Variants in SDC2 observed in about 807,000 individuals in gnomAD.
SDC2 encodes syndecan 2, also known as syndecan-2.
Under a neutral mutation model 22.2 loss-of-function variants are expected in SDC2, and 13 were observed. The observed-to-expected ratio is 0.59, with a 90% CI of 0.38 to 0.93. SDC2 has a LOEUF of 0.93. Ranked by LOEUF, SDC2 falls within the 40% of genes least tolerant of loss-of-function variation. The probability of loss-of-function intolerance (pLI) is 0.00; values close to 1 mark genes in which losing one functional copy is unlikely to be tolerated. For synonymous variants in SDC2, 94 were observed against 92.8 expected, an observed-to-expected ratio of 1.01 and a Z score of -0.07; for missense variants, 235 against 246.8, an observed-to-expected ratio of 0.95 and a Z score of 0.32.
intron 1 of SDC2, among the ~76,000 whole-genome samples, chr8:96,510,338 C>T (rs1314744838): frequency 1.3e-5 from 2 of 152,156 alleles, no homozygotes; most frequent in Admixed American, 1.3e-4. Flanking sequence ...GTATTGTTTG[C>T]AGCTGAAATA....
chr8:96,532,410 GCGTT>G lies in SDC2; in HGVS notation c.60+38080_60+38083del, dbSNP rs1329502222. Among the ~76,000 whole-genome samples, 17 of 102,986 alleles carry G rather than the reference GCGTT, an allele frequency of 1.7e-4. 1 individual carries two copies. Among genetic ancestry groups the G allele is most frequent in the Admixed American group, 2.7e-4 (3 of 10,926 alleles). The allele number at this position is 102,986 out of a possible 152,430, so 67.6% of individuals were successfully genotyped here. On this transcript the variant is annotated intron_variant, in intron 1 of 4. Transcript: ENST00000302190. ...CCCCTGAGTCTCTCTGCTTATTGAGGCGTTTTTTTTTTTTTTTTTTTTTTTGGTA... is the reference window on the plus strand; with the variant it reads ...CCCCTGAGTCTCTCTGCTTATTGAGGTTTTTTTTTTTTTTTTTTTTTGGTA...
chr8:96,562,225 A>G (rs1814221599), intron 1 of SDC2, among the ~76,000 whole-genome samples: 1 of 152,168 alleles, frequency 6.6e-6, no homozygotes, highest in Non-Finnish European at 1.5e-5. Context: ...TGGATGTCCC[A>G]TTGTTCCAGC....
chr8:96,602,268 G>C, intron 2 of SDC2, 127 bp from the exon 3 acceptor site: 2 of 955,718 alleles, frequency 2.1e-6, no homozygotes, highest in Non-Finnish European at 1.6e-6. Flanking sequence ...TTGTGCTGAA[G>C]TCTTAAAGAG....
At chr8:96,532,344 G>A (rs1171026750) in intron 1 of SDC2, among the ~76,000 whole-genome samples, 1 of 144,642 alleles carries the variant, frequency 6.9e-6, no homozygotes, top group African/African-American at 2.6e-5. Flanking sequence ...GCCTAACTGA[G>A]TTCTTGGGGC....
chr8:96,510,703 A>G (rs1376511062), intron 1 of SDC2, among the ~76,000 whole-genome samples: 1 of 152,186 alleles, frequency 6.6e-6, no homozygotes, highest in Non-Finnish European at 1.5e-5. Flanking sequence ...GGCTATTAAA[A>G]TGAACCATTT....
chr8:96,504,215 C>T (rs984436190), intron 1 of SDC2, among the ~76,000 whole-genome samples: 23 of 152,224 alleles, frequency 1.5e-4, no homozygotes, highest in Admixed American at 9.2e-4. Flanking sequence ...GGACTCAATT[C>T]ACTTGACATG....
chr8:96,569,912 G>A (rs1451961001), intron 1 of SDC2, among the ~76,000 whole-genome samples: 3 of 152,150 alleles, frequency 2.0e-5, no homozygotes, highest in Admixed American at 2.0e-4. Context: ...GTGCTCTCTG[G>A]GAAAGGAGTC....
At chr8:96,608,579 C>A (rs1586330161) in intron 4 of SDC2, 109 bp downstream of exon 4, 3 of 1,017,878 alleles carry the variant, frequency 2.9e-6, no homozygotes, top group East Asian at 2.6e-5. Context: ...CTGCTGAAAG[C>A]AGTCTTGTGG....
chr8:96,497,890 C>G (rs1310255481), intron 1 of SDC2, among the ~76,000 whole-genome samples: 1 of 152,202 alleles, frequency 6.6e-6, no homozygotes, highest in South Asian at 2.1e-4. Context: ...CCATCCTTTT[C>G]TTCTTCCCAA....
intron 1 of SDC2, among the ~76,000 whole-genome samples, chr8:96,538,973 T>C (rs189515482): frequency 1.3e-5 from 2 of 152,250 alleles, no homozygotes; most frequent in African/African-American, 4.8e-5. Flanking sequence ...CTGTCTTTGA[T>C]TGAGTTAGAT....
Position 96,593,582 on chromosome 8 carries a change from T to C in SDC2, c.163T>C (p.Ser55Pro). ...TGATGACGATGACTACGCTTCTGCG[T>C]CTGGCTCGGGTAAGGTGGCTGCTTC... The part of the protein sequence containing the change: ...PIDDDDYASA[S>P]GSGADEDVES... The change falls in exon 2 of 5, where the codon TCT becomes CCT. Residue 55 changes from serine to proline, a missense_variant. Transcript: ENST00000302190. 10 of 1,610,426 alleles carry C rather than the reference T, an allele frequency of 6.2e-6. No individual in the cohort carries two copies. The highest frequency in any genetic ancestry group is 8.5e-6 in the Non-Finnish European group (10 of 1,176,738).
rs926292676 is a variant in SDC2, at chr8:96,515,024, G to T, written c.60+20693G>T. On this transcript the variant is annotated intron_variant, in intron 1 of 4. Transcript: ENST00000302190. ...TTTATTCTGGGTAAAGCAAGAGAAT[G>T]CTGGACAGGTAGCCAGAAGACTTGG... Among the ~76,000 whole-genome samples the T allele has an allele frequency of 4.6e-5, 7 of 152,200 alleles. No homozygotes were observed. In the South Asian group the frequency reaches 8.3e-4, roughly 18 times the overall value.
chr8:96,601,192 T>G (rs1814975880), intron 2 of SDC2, among the ~76,000 whole-genome samples: 1 of 151,944 alleles, frequency 6.6e-6, no homozygotes. Context: ...TTCTGAAGAG[T>G]GCCATTGGGT....
At chr8:96,495,457 C>A (rs961526261) in intron 1 of SDC2, among the ~76,000 whole-genome samples, 2 of 152,198 alleles carry the variant, frequency 1.3e-5, no homozygotes, top group Non-Finnish European at 2.9e-5. Context: ...CTCTGTCGGG[C>A]CAGGTGGAAG....
At chr8:96,566,955 G>A (rs1238411131) in intron 1 of SDC2, among the ~76,000 whole-genome samples, 2 of 152,118 alleles carry the variant, frequency 1.3e-5, no homozygotes, top group African/African-American at 4.8e-5. Context: ...TCAAGTTCAA[G>A]CGATTCTCTT....
intron 1 of SDC2, among the ~76,000 whole-genome samples, chr8:96,542,477 C>G (rs1813867405): frequency 6.6e-6 from 1 of 152,106 alleles, no homozygotes; most frequent in Non-Finnish European, 1.5e-5. Flanking sequence ...GTTATTAATG[C>G]CTCTTTAGCA....
At chr8:96,579,111 T>G (rs994392911) in intron 1 of SDC2, among the ~76,000 whole-genome samples, 2 of 152,238 alleles carry the variant, frequency 1.3e-5, no homozygotes. Flanking sequence ...CAGATCTAAT[T>G]TCATTCACGT....
In SDC2 at chr8:96,494,297, C is replaced by T. The variant is rs1371881318; in HGVS notation, c.26C>T (p.Thr9Ile). Residue 9 changes from threonine (T) to isoleucine (I), a missense_variant, in exon 1 of 5, where the codon ACC becomes ATC. By Grantham distance (89) the Thr-to-Ile change is moderately conservative (BLOSUM62 -1). Transcript: ENST00000302190. MRRAWILL[T>I]LGLVACVSAE... is the part of the protein sequence containing the mutation. ...ATGCGGCGCGCGTGGATCCTGCTCACCTTGGGCTTGGTGGCCTGCGTGTCG... is the reference window on the plus strand; with the variant it reads ...ATGCGGCGCGCGTGGATCCTGCTCATCTTGGGCTTGGTGGCCTGCGTGTCG... 5 of 1,547,312 alleles carry T rather than the reference C, an allele frequency of 3.2e-6. No homozygotes were observed. Among genetic ancestry groups the T allele is most frequent in the Non-Finnish European group, 4.3e-6 (5 of 1,149,950 alleles).
intron 1 of SDC2, among the ~76,000 whole-genome samples, chr8:96,535,915 A>G (rs1193148139): frequency 1.3e-5 from 2 of 152,214 alleles, no homozygotes; most frequent in African/African-American, 4.8e-5. Context: ...TAAGTATGAC[A>G]TGAGGCAGTT....
Sources: allele counts gnomAD v4.1 joint callset (sites outside exome capture counted in the v4.1 genomes callset), GRCh38; gene constraint gnomAD v4.1.1; transcripts MANE v1.5; gene names NCBI Gene and HGNC (gene_info 2026-07-23, HGNC 2026-07-21).